PDZK1: variants seen among roughly 807,000 people sequenced by gnomAD.
PDZK1 encodes the protein PDZ domain containing 1, also known as Na(+)/H(+) exchange regulatory cofactor NHE-RF3.
PDZK1 carries 23 observed loss-of-function variants against 38.1 expected under a neutral mutation model. That is an observed-to-expected ratio of 0.60 (90% CI 0.43 to 0.85). The LOEUF (loss-of-function observed/expected upper bound fraction) is 0.85. Among genes scored for constraint, PDZK1 ranks in the 40% least tolerant of loss-of-function variants. The pLI is 0.00. For synonymous variants in PDZK1, 98 were observed against 186.2 expected, an observed-to-expected ratio of 0.53 and a Z score of 3.86; for missense variants, 297 against 504.3, an observed-to-expected ratio of 0.59 and a Z score of 3.94.
intron 1 of PDZK1, among the ~76,000 whole-genome samples, chr1:145,689,186 C>T (rs1480780777): frequency 6.6e-6 from 1 of 152,180 alleles, no homozygotes; most frequent in Non-Finnish European, 1.5e-5. Context: ...TGGGCTTAGG[C>T]GATCCTCCCA....
intron 6 of PDZK1, among the ~76,000 whole-genome samples, chr1:145,677,265 A>G (rs1225574449): frequency 2.0e-5 from 3 of 152,086 alleles, no homozygotes; most frequent in African/African-American, 7.3e-5. Context: ...TTAGTATAGT[A>G]CATCTGAAAT....
At chr1:145,693,013 AAAAAG>A (rs1655349706) in intron 1 of PDZK1, among the ~76,000 whole-genome samples, 1 of 152,294 alleles carries the variant, frequency 6.6e-6, no homozygotes, top group Admixed American at 6.5e-5. Context: ...CTGTCTCAAG[AAAAAG>A]AAAAGAAAAG....
At chr1:145,695,463 AAGAG>A (rs1279441650) in intron 1 of PDZK1, among the ~76,000 whole-genome samples, 1 of 151,852 alleles carries the variant, frequency 6.6e-6, no homozygotes, top group African/African-American at 2.4e-5. Context: ...AGAGGAGAGC[AAGAG>A]AGAGAGAAAG....
chr1:145,682,592 C>T lies in PDZK1; in HGVS notation c.505G>A (p.Ala169Thr). ...TCAGCCAGAACTCCAGCTCTCATAG[C>T]CACACCTTGAGGTGTAATATCAGTC... ...YMTDITPQGV[A>T]MRAGVLADDH... The change falls in exon 4 of 9, where the codon GCT becomes ACT. Residue 169 changes from alanine to threonine, a missense_variant. Physicochemically the swap from Ala to Thr is moderately conservative, Grantham distance 58. Transcript: ENST00000417171. 6.2e-7 allele frequency: 1 copy of T among 1,611,782 alleles called. No homozygotes were observed. Among genetic ancestry groups the T allele is most frequent in the East Asian group, 2.2e-5 (1 of 44,850 alleles).
intron 1 of PDZK1, among the ~76,000 whole-genome samples, chr1:145,690,063 C>T (rs1655115465): frequency 6.6e-6 from 1 of 152,194 alleles, no homozygotes; most frequent in Non-Finnish European, 1.5e-5. Context: ...GTGGTCAACA[C>T]CAGCACCTTG....
intron 1 of PDZK1, among the ~76,000 whole-genome samples, chr1:145,705,484 G>A (rs1320915107): frequency 1.3e-5 from 2 of 152,112 alleles, no homozygotes; most frequent in Non-Finnish European, 2.9e-5. Context: ...CTTCCTGGGA[G>A]GTGACATTTT....
intron 3 of PDZK1, 50 bp from the exon 4 acceptor site, chr1:145,682,686 C>G (rs1189221516): frequency 1.4e-6 from 2 of 1,387,936 alleles, no homozygotes; most frequent in African/African-American, 2.8e-5. Context: ...GTGACTCCCT[C>G]TTGGATGGTA....
chr1:145,702,300 C>T (rs1401571232), intron 1 of PDZK1, among the ~76,000 whole-genome samples: 1 of 151,962 alleles, frequency 6.6e-6, no homozygotes, highest in African/African-American at 2.4e-5. Flanking sequence ...AGTTTGATTG[C>T]TTATCTAAGA....
At chr1:145,673,932 A>AGTT in intron 6 of PDZK1, 51 bp from the exon 7 acceptor site, 1 of 1,195,144 alleles carries the variant, frequency 8.4e-7, no homozygotes, top group African/African-American at 1.6e-5. Flanking sequence ...ACCATGAGTA[A>AGTT]GTTATACTTT....
At chr1:145,704,594 C>A (rs782489544) in intron 1 of PDZK1, among the ~76,000 whole-genome samples, 9 of 152,104 alleles carry the variant, frequency 5.9e-5, no homozygotes, top group Non-Finnish European at 1.3e-4. Flanking sequence ...GCTTAGAGAG[C>A]CTGATCTAGA....
chr1:145,690,535 T>C (rs1229353349), intron 1 of PDZK1, among the ~76,000 whole-genome samples: 1 of 152,104 alleles, frequency 6.6e-6, no homozygotes, highest in Non-Finnish European at 1.5e-5. Context: ...CTCATTCAAA[T>C]CCTACAAAAT....
chr1:145,681,509 C>T (rs1262580437), intron 4 of PDZK1, among the ~76,000 whole-genome samples: 4 of 149,164 alleles, frequency 2.7e-5, no homozygotes, highest in African/African-American at 7.7e-5. Context: ...AGGATGGTCT[C>T]GATCTCCTGA....
At position 145,686,577 on chromosome 1, in the gene PDZK1, G is replaced by A. The variant is rs1553701794; in HGVS notation, c.360C>T (p.Ser120=). 1 of 1,608,926 alleles carries A rather than the reference G, an allele frequency of 6.2e-7. No homozygotes were observed. Among genetic ancestry groups the A allele is most frequent in the South Asian group, 1.1e-5 (1 of 90,762 alleles). The change falls in exon 3 of 9, where the codon TCC becomes TCT. Residue 120 remains serine, a synonymous_variant. Transcript: ENST00000417171. ...TTTGCACACCTCCATTCATCACAGGGGAAAGTATATTATCACTCAAACCTT... is the reference window on the plus strand; with the variant it reads ...TTTGCACACCTCCATTCATCACAGGAGAAAGTATATTATCACTCAAACCTT... ...KEQGLSDNIL[S]PVMNGGVQTW...
chr1:145,689,983 C>T (rs1355920353), intron 1 of PDZK1, among the ~76,000 whole-genome samples: 6 of 152,092 alleles, frequency 3.9e-5, no homozygotes, highest in East Asian at 3.9e-4. Context: ...GACTAAGTAG[C>T]GAAGAAAGAA....
chr1:145,689,276 G>C (rs1655050140), intron 1 of PDZK1, among the ~76,000 whole-genome samples: 2 of 152,166 alleles, frequency 1.3e-5, no homozygotes. Context: ...ACAGTGTCTT[G>C]CTTTGTTGCC....
At chr1:145,676,781 G>A (rs1553699366) in intron 6 of PDZK1, among the ~76,000 whole-genome samples, 1 of 150,582 alleles carries the variant, frequency 6.6e-6, no homozygotes, top group African/African-American at 2.4e-5. Context: ...TCAAATTCTT[G>A]AAGATGCTCT....
chr1:145,695,765 G>A (rs587741275), intron 1 of PDZK1, among the ~76,000 whole-genome samples: 3 of 152,212 alleles, frequency 2.0e-5, no homozygotes, highest in Admixed American at 6.5e-5. Flanking sequence ...CTACTCACAC[G>A]TGATAAAGGG....
At chr1:145,672,129 G>C (rs1478009384) in intron 8 of PDZK1, among the ~76,000 whole-genome samples, 1 of 152,056 alleles carries the variant, frequency 6.6e-6, no homozygotes, top group Non-Finnish European at 1.5e-5. Context: ...ATAAAACTGA[G>C]ACTTACCAAG....
chr1:145,687,963 T>C lies in PDZK1; in HGVS notation c.59A>G (p.Tyr20Cys). The change falls in exon 2 of 9, where the codon TAT becomes TGT. Residue 20 changes from tyrosine (Y) to cysteine (C), a missense_variant. By Grantham distance (194) the Tyr-to-Cys change is radical (BLOSUM62 -2). Coordinates refer to ENST00000417171, the MANE Select transcript of PDZK1 (RefSeq NM_001201325.2). ...CTTCTCAATTCGCAGGAAGAAGCCA[T>C]AGTTTTGCCCTTCTTGCTTGGACAG... Reference protein sequence around the residue: ...CKLSKQEGQNYGFFLRIEKDT... With the variant: ...CKLSKQEGQNCGFFLRIEKDT... The C allele has an allele frequency of 1.2e-6, 2 of 1,612,554 alleles. No individual in the cohort carries two copies. The highest frequency in any genetic ancestry group is 2.7e-5 in the African/African-American group (2 of 74,690).
Sources: gnomAD v4.1 joint callset for allele counts (sites outside exome capture counted in the v4.1 genomes callset) on GRCh38, gnomAD v4.1.1 for gene constraint, MANE v1.5 for transcripts, NCBI Gene and HGNC (gene_info 2026-07-23, HGNC 2026-07-21) for gene names.